Variants in ST6GALNAC3 observed in about 807,000 individuals in gnomAD.
ST6GALNAC3 encodes alpha-N-acetylgalactosaminide alpha-2,6-sialyltransferase 3.
A neutral mutation model predicts 32.7 loss-of-function variants in ST6GALNAC3; 25 were observed. The observed-to-expected ratio is 0.76, with a 90% CI of 0.56 to 1.07. The LOEUF is 1.07. Ranked by LOEUF, ST6GALNAC3 falls within the 50% of genes least tolerant of loss-of-function variation. ST6GALNAC3 has a pLI of 0.00. For missense variants in ST6GALNAC3, 355 were observed against 382.4 expected, an observed-to-expected ratio of 0.93 and a Z score of 0.60; for synonymous variants, 129 against 133.1, an observed-to-expected ratio of 0.97 and a Z score of 0.21.
intron 1 of ST6GALNAC3, among the ~76,000 whole-genome samples, chr1:76,079,663 A>G (rs1646864446): frequency 6.6e-6 from 1 of 152,190 alleles, no homozygotes; most frequent in African/African-American, 2.4e-5. Context: ...ATCTTGATTG[A>G]TAGGTAATTA....
At position 76,634,154 on chromosome 1, in the gene ST6GALNAC3, A is replaced by C; in HGVS notation, c.*5348A>C. ...TACATCTCTTTTTGTTCACGCCTTG[A>C]AGACTTCAGAAAAATAGAAGCTCAC... On this transcript the variant is annotated 3_prime_UTR_variant, in exon 5 of 5. Coordinates refer to ENST00000328299, the MANE Select transcript of ST6GALNAC3 (RefSeq NM_152996.4). 1 of 984,998 alleles carries C rather than the reference A, an allele frequency of 1.0e-6. No individual in the cohort carries two copies. Among genetic ancestry groups the C allele is most frequent in the Non-Finnish European group, 1.2e-6 (1 of 829,780 alleles). 61.0% of individuals were successfully genotyped at this position (984,998 alleles called of 1,614,324 possible).
At chr1:76,489,675 C>A (rs1660366550) in intron 3 of ST6GALNAC3, among the ~76,000 whole-genome samples, 1 of 152,144 alleles carries the variant, frequency 6.6e-6, no homozygotes, top group Admixed American at 6.6e-5. Context: ...AAAGGTGGAG[C>A]CCTGCTTCAA....
chr1:76,553,335 C>T (rs1664742326), intron 3 of ST6GALNAC3, among the ~76,000 whole-genome samples: 1 of 141,842 alleles, frequency 7.1e-6, no homozygotes. Context: ...GTTAGCTCTA[C>T]TTATTTTGGA....
intron 1 of ST6GALNAC3, among the ~76,000 whole-genome samples, chr1:76,311,407 T>G (rs1441317601): frequency 6.6e-6 from 1 of 152,178 alleles, no homozygotes; most frequent in East Asian, 1.9e-4. Flanking sequence ...ATAAGGTATT[T>G]GTCCTAATGC....
At chr1:76,252,134 A>G (rs1657653211) in intron 1 of ST6GALNAC3, among the ~76,000 whole-genome samples, 1 of 152,134 alleles carries the variant, frequency 6.6e-6, no homozygotes, top group Admixed American at 6.6e-5. Flanking sequence ...AGAATTGCTG[A>G]TGGAGGGCCA....
chr1:76,415,080 T>G (rs1030018612), intron 3 of ST6GALNAC3, among the ~76,000 whole-genome samples: 1 of 151,786 alleles, frequency 6.6e-6, no homozygotes, highest in African/African-American at 2.4e-5. Flanking sequence ...TACAGAGTTT[T>G]CCACAATCTA....
rs114091087 is a variant in ST6GALNAC3, at chr1:76,254,568, G to A, written c.19-59237G>A. Among the ~76,000 whole-genome samples the A allele has an allele frequency of 7.0e-3, 1,068 of 152,206 alleles. 14 individuals carry two copies. Among genetic ancestry groups the A allele is most frequent in the African/African-American group, 0.024 (1,014 of 41,532 alleles). On this transcript the variant is annotated intron_variant, in intron 1 of 4. Coordinates refer to ENST00000328299, the MANE Select transcript of ST6GALNAC3 (RefSeq NM_152996.4). ...AATGGGAAAATGGTGAGAGAGAGACGATAGTTGGCTTTTAGTCTACCAGGT... is the reference window on the plus strand; with the variant it reads ...AATGGGAAAATGGTGAGAGAGAGACAATAGTTGGCTTTTAGTCTACCAGGT...
chr1:76,491,223 T>C (rs1019377997), intron 3 of ST6GALNAC3, among the ~76,000 whole-genome samples: 3 of 152,108 alleles, frequency 2.0e-5, no homozygotes, highest in African/African-American at 7.2e-5. Flanking sequence ...CATTTGGAGT[T>C]GAAGCAAGAG....
intron 3 of ST6GALNAC3, among the ~76,000 whole-genome samples, chr1:76,525,265 G>A (rs1183949016): frequency 6.6e-6 from 1 of 152,038 alleles, no homozygotes; most frequent in South Asian, 2.1e-4. Context: ...TTGTGAAGAC[G>A]TCTAGGAACA....
downstream of ST6GALNAC3, among the ~76,000 whole-genome samples, chr1:76,636,088 T>A (rs1268807676): frequency 2.6e-5 from 4 of 152,062 alleles, no homozygotes; most frequent in African/African-American, 9.7e-5. Context: ...CAGAAAAAAA[T>A]TTTTGTGTAT....
chr1:76,442,966 C>T (rs1571242637), intron 3 of ST6GALNAC3, among the ~76,000 whole-genome samples: 2 of 152,306 alleles, frequency 1.3e-5, no homozygotes, highest in South Asian at 2.1e-4. Context: ...TTACTTTTCA[C>T]TCTTTAAATT....
chr1:76,227,981 G>A (rs903554307), intron 1 of ST6GALNAC3, among the ~76,000 whole-genome samples: 1 of 152,176 alleles, frequency 6.6e-6, no homozygotes, highest in Admixed American at 6.5e-5. Flanking sequence ...GTACTCATTT[G>A]TGGAACATTT....
chr1:76,309,217 G>C (rs1356284773), intron 1 of ST6GALNAC3, among the ~76,000 whole-genome samples: 2 of 152,106 alleles, frequency 1.3e-5, no homozygotes, highest in Non-Finnish European at 2.9e-5. Context: ...CTGGCCAGCT[G>C]CACCAAGTTG....
chr1:76,267,368 G>A (rs1414859667), intron 1 of ST6GALNAC3, among the ~76,000 whole-genome samples: 1 of 152,086 alleles, frequency 6.6e-6, no homozygotes, highest in Non-Finnish European at 1.5e-5. Context: ...GCTCTGTCCT[G>A]CCACTGTCCA....
chr1:76,456,130 A>G (rs1657767869), intron 3 of ST6GALNAC3, among the ~76,000 whole-genome samples: 1 of 152,136 alleles, frequency 6.6e-6, no homozygotes, highest in South Asian at 2.1e-4. Context: ...CAAGATCATG[A>G]CACTGCACTC....
chr1:76,255,689 ATGAACT>A (rs1249527422), intron 1 of ST6GALNAC3, among the ~76,000 whole-genome samples: 2 of 152,108 alleles, frequency 1.3e-5, no homozygotes, highest in African/African-American at 4.8e-5. Context: ...TAGTTTCTGA[ATGAACT>A]TGAACTTGCA....
chr1:76,226,157 G>C lies in ST6GALNAC3; in HGVS notation c.19-87648G>C, dbSNP rs545136526. 2.0e-5 allele frequency among the ~76,000 whole-genome samples: 3 copies of C among 152,224 alleles called. No homozygotes were observed. The South Asian group carries it at 6.2e-4, about 32-fold the overall frequency. On this transcript the variant is annotated intron_variant, in intron 1 of 4. Transcript: ENST00000328299. ...TGTGGGTATAAAACACCACGCTCAG[G>C]GTTTTCCTTCTTGTCTGGCAGATAG...
At chr1:76,232,726 C>G (rs1255928024) in intron 1 of ST6GALNAC3, among the ~76,000 whole-genome samples, 2 of 152,192 alleles carry the variant, frequency 1.3e-5, no homozygotes, top group African/African-American at 4.8e-5. Flanking sequence ...TCAGGGTAAC[C>G]TGTGTTGTTG....
chr1:76,358,318 A>G (rs905758481), intron 2 of ST6GALNAC3, among the ~76,000 whole-genome samples: 3 of 152,158 alleles, frequency 2.0e-5, no homozygotes, highest in Non-Finnish European at 2.9e-5. Context: ...TCTCTCTGAA[A>G]ATGCTTCAGA....
Sources: gnomAD v4.1 joint callset for allele counts (sites outside exome capture counted in the v4.1 genomes callset) on GRCh38, gnomAD v4.1.1 for gene constraint, MANE v1.5 for transcripts, NCBI Gene and HGNC (gene_info 2026-07-23, HGNC 2026-07-21) for gene names.